Variants in SEMA3A observed in about 807,000 individuals in gnomAD.
SEMA3A encodes the protein semaphorin 3A.
Under a neutral mutation model 97.9 loss-of-function variants are expected in SEMA3A, and 29 were observed. The observed-to-expected ratio is 0.30, with a 90% CI of 0.22 to 0.40. SEMA3A has a LOEUF of 0.40. Among genes scored for constraint, SEMA3A ranks in the 10% least tolerant of loss-of-function variants. SEMA3A has a pLI of 1.00. For synonymous variants in SEMA3A, 321 were observed against 323.7 expected (o/e 0.99, Z 0.09); for missense variants, 763 against 951.3 (o/e 0.80, Z 2.60).
At chr7:84,208,224 G>A (rs1191225492) in intron 3 of SEMA3A, among the ~76,000 whole-genome samples, 2 of 152,036 alleles carry the variant, frequency 1.3e-5, no homozygotes, top group South Asian at 2.1e-4. Context: ...AGGCCAAGGG[G>A]GGCAGATCGT....
intron 4 of SEMA3A, among the ~76,000 whole-genome samples, chr7:84,062,460 A>C (rs553356759): frequency 3.7e-4 from 57 of 152,296 alleles, no homozygotes; most frequent in Middle Eastern, 3.4e-3. Flanking sequence ...CGGCTCCCAG[A>C]GTGAGCGACG....
At chr7:84,091,213 A>G (rs1232302465) in intron 4 of SEMA3A, among the ~76,000 whole-genome samples, 1 of 64,888 alleles carries the variant, frequency 1.5e-5, no homozygotes, top group Non-Finnish European at 3.4e-5. Context: ...AGAAAGAAAG[A>G]AAAGAAAAGA....
At chr7:84,177,780 T>C (rs943763514) in intron 1 of SEMA3A, among the ~76,000 whole-genome samples, 8 of 152,098 alleles carry the variant, frequency 5.3e-5, no homozygotes, top group African/African-American at 1.9e-4. Flanking sequence ...CACAACATCT[T>C]TTGTTTTCTC....
chr7:84,194,424 G>GC, intron 1 of SEMA3A, 51 bp downstream of exon 1: 1 of 1,228,410 alleles, frequency 8.1e-7, no homozygotes, highest in Admixed American at 1.7e-5. Flanking sequence ...GGAATTAAGG[G>GC]GGGGGGCGGT....
At chr7:84,282,253 C>A (rs1278222554) in intron 3 of SEMA3A, among the ~76,000 whole-genome samples, 3 of 152,128 alleles carry the variant, frequency 2.0e-5, no homozygotes, top group African/African-American at 7.2e-5. Context: ...AACATTATTC[C>A]TAGCTTCCTA....
chr7:84,084,123 T>G (rs1312287689), intron 4 of SEMA3A, among the ~76,000 whole-genome samples: 3 of 152,098 alleles, frequency 2.0e-5, no homozygotes, highest in Non-Finnish European at 2.9e-5. Flanking sequence ...GCTGGCCATA[T>G]GTGTTTAATG....
intron 3 of SEMA3A, among the ~76,000 whole-genome samples, chr7:84,228,497 A>C (rs1799043772): frequency 6.6e-6 from 1 of 152,116 alleles, no homozygotes; most frequent in Non-Finnish European, 1.5e-5. Context: ...CTGTGTCCAC[A>C]AAATGATTAA....
chr7:84,037,429 G>C (rs945487785), intron 6 of SEMA3A, among the ~76,000 whole-genome samples: 1 of 151,998 alleles, frequency 6.6e-6, no homozygotes, highest in African/African-American at 2.4e-5. Context: ...CCAGGCTCAG[G>C]TGATCCTCCC....
intron 2 of SEMA3A, among the ~76,000 whole-genome samples, chr7:84,319,339 G>A (rs1801591416): frequency 6.6e-6 from 1 of 152,008 alleles, no homozygotes; most frequent in South Asian, 2.1e-4. Context: ...TCTAAGAAAG[G>A]GCAATTTTTG....
chr7:84,424,702 C>CTA (rs1336430029), intron 1 of SEMA3A, among the ~76,000 whole-genome samples: 4 of 54,860 alleles, frequency 7.3e-5, no homozygotes, highest in African/African-American at 4.6e-4. Context: ...ATATTGATAT[C>CTA]AATATATAAT....
At chr7:84,355,113 G>A (rs1462441699) in intron 2 of SEMA3A, among the ~76,000 whole-genome samples, 2 of 151,732 alleles carry the variant, frequency 1.3e-5, no homozygotes, top group Non-Finnish European at 3.0e-5. Flanking sequence ...CATAATATGA[G>A]AGTAAAAACT....
At chr7:84,369,202 G>A (rs756939037) in intron 2 of SEMA3A, among the ~76,000 whole-genome samples, 9 of 151,018 alleles carry the variant, frequency 6.0e-5, no homozygotes, top group Non-Finnish European at 1.3e-4. Context: ...AATTTGGGAT[G>A]TCTGGAATCT....
In SEMA3A at chr7:84,132,678, T is replaced by C. The variant is rs1218825312; in HGVS notation, c.270+2116A>G. On this transcript the variant is annotated intron_variant, in intron 2 of 16. Coordinates refer to ENST00000265362, the MANE Select transcript of SEMA3A (RefSeq NM_006080.3). ...CGACTTGGTGTTTTTTTTTTTTTTT[T>C]TTTTTTTTTTTTTTTGAGACGGAGT... 3.7e-5 allele frequency among the ~76,000 whole-genome samples: 5 copies of C among 133,786 alleles called. 1 individual carries two copies. Among genetic ancestry groups the C allele is most frequent in the Non-Finnish European group, 6.4e-5 (4 of 62,610 alleles). The allele number at this position is 133,786 out of a possible 152,430, so 87.8% of individuals were successfully genotyped here.
chr7:84,246,276 TTTGTAG>T (rs1362675484), intron 3 of SEMA3A, among the ~76,000 whole-genome samples: 4 of 152,194 alleles, frequency 2.6e-5, no homozygotes, highest in African/African-American at 9.6e-5. Flanking sequence ...AGTCATTAAG[TTTGTAG>T]TAATTTGTTA....
At chr7:84,425,098 A>G (rs1316112326) in intron 1 of SEMA3A, among the ~76,000 whole-genome samples, 2 of 107,576 alleles carry the variant, frequency 1.9e-5, no homozygotes, top group Non-Finnish European at 3.3e-5. Context: ...ATTTTTATAT[A>G]AATATAAATA....
At chr7:84,132,046 C>G (rs1468284352) in intron 2 of SEMA3A, among the ~76,000 whole-genome samples, 1 of 152,104 alleles carries the variant, frequency 6.6e-6, no homozygotes, top group Non-Finnish European at 1.5e-5. Context: ...CTCCTAGACA[C>G]CAGCAATCTG....
chr7:83,979,943 C>T (rs1789324685), intron 14 of SEMA3A, among the ~76,000 whole-genome samples: 1 of 151,996 alleles, frequency 6.6e-6, no homozygotes, highest in Non-Finnish European at 1.5e-5. Flanking sequence ...CTATGAAAAT[C>T]TACATTCATA....
rs569580720 is a variant in SEMA3A, at chr7:83,962,963, A to T, written c.1860+242T>A. On this transcript the variant is annotated intron_variant, in intron 16 of 16. Transcript: ENST00000265362. ...AAGAAATAAGGGGAGTCTAATATGT[A>T]TCCCCAAACTGCTTCTGGGGCAGAA... Among the ~76,000 whole-genome samples the T allele has an allele frequency of 5.5e-4, 84 of 152,310 alleles. No homozygotes were observed. The Middle Eastern group carries it at 0.014, about 25-fold the overall frequency.
At chr7:84,009,958 TTTTG>T (rs1268683638) in intron 9 of SEMA3A, among the ~76,000 whole-genome samples, 2 of 151,866 alleles carry the variant, frequency 1.3e-5, no homozygotes, top group South Asian at 2.1e-4. Flanking sequence ...TGCTGAAAGT[TTTTG>T]TTTGTTTTTA....
Sources: allele counts gnomAD v4.1 joint callset (sites outside exome capture counted in the v4.1 genomes callset), GRCh38; gene constraint gnomAD v4.1.1; transcripts MANE v1.5; gene names NCBI Gene and HGNC (gene_info 2026-07-23, HGNC 2026-07-21).